ZDHHC6: variants seen among roughly 807,000 people sequenced by gnomAD.
ZDHHC6 encodes the protein palmitoyltransferase ZDHHC6.
A neutral mutation model predicts 57.8 loss-of-function variants in ZDHHC6; 32 were observed. That is an observed-to-expected ratio of 0.55 (90% CI 0.42 to 0.74). The LOEUF (loss-of-function observed/expected upper bound fraction) is 0.74, where lower values mean the gene tolerates loss of function less well. Ranked by LOEUF, ZDHHC6 falls within the 30% of genes least tolerant of loss-of-function variation. The pLI is 0.00. For missense variants in ZDHHC6, 433 were observed against 500.7 expected (o/e 0.86, Z 1.29); for synonymous variants, 128 against 158.0 (o/e 0.81, Z 1.42).
At chr10:112,445,909 A>T (rs1288911875) in intron 1 of ZDHHC6, among the ~76,000 whole-genome samples, 1 of 152,200 alleles carries the variant, frequency 6.6e-6, no homozygotes, top group African/African-American at 2.4e-5. Context: ...TTGTCAGGGG[A>T]CTGTCACCAT....
At chr10:112,427,428 T>C, downstream of ZDHHC6, 1 of 1,426,288 alleles carries the variant, frequency 7.0e-7, no homozygotes, top group Admixed American at 2.6e-5. Context: ...AAACTATTCT[T>C]ACATTTGTTT....
Position 112,440,668 on chromosome 10 carries a change from T to C in ZDHHC6, c.547A>G (p.Ile183Val), listed in dbSNP as rs376424059. 80 of 1,613,692 alleles carry C rather than the reference T, an allele frequency of 5.0e-5. No individual in the cohort carries two copies. The highest frequency in any genetic ancestry group is 1.1e-4 in the African/African-American group (8 of 74,916). ...TCTCTCCGGGCTGCACTCATGTCGA[T>C]CTTCACTGTGTTCCACCCAAAGGAG... Reference protein sequence around the residue: ...RLSFGWNTVKIDMSAARRDPL... With the variant: ...RLSFGWNTVKVDMSAARRDPL... The change falls in exon 5 of 11, where the codon ATC becomes GTC. Residue 183 changes from isoleucine to valine, a missense_variant. Transcript: ENST00000369405.
intron 8 of ZDHHC6, 132 bp from the exon 9 acceptor site, chr10:112,432,653 C>A (rs926337862): frequency 1.2e-5 from 13 of 1,095,608 alleles, no homozygotes; most frequent in Admixed American, 3.0e-5. Context: ...TCTAGGGGAA[C>A]CTCCCAGTTC....
In ZDHHC6 at chr10:112,445,481, T is replaced by C. The variant is rs148804920; in HGVS notation, c.-45A>G. The C allele has an allele frequency of 4.2e-4, 673 of 1,589,486 alleles. 2 individuals carry two copies. In the African/African-American group the frequency reaches 8.1e-3, roughly 19 times the overall value. ...TTCCTACTTTAAAAGAATTATAGAT[T>C]TCCTTTTTCTGTGCGCACATTTCCA... On this transcript the variant is annotated 5_prime_UTR_variant, in exon 2 of 11. Transcript: ENST00000369405.
chr10:112,440,668 T>A lies in ZDHHC6; in HGVS notation c.547A>T (p.Ile183Phe), dbSNP rs376424059. 6.2e-7 allele frequency: 1 copy of A among 1,613,810 alleles called. No homozygotes were observed. Among genetic ancestry groups the A allele is most frequent in the South Asian group, 1.1e-5 (1 of 91,024 alleles). ...TCTCTCCGGGCTGCACTCATGTCGA[T>A]CTTCACTGTGTTCCACCCAAAGGAG... ...RLSFGWNTVK[I>F]DMSAARRDPL... Residue 183 changes from isoleucine to phenylalanine, a missense_variant, in exon 5 of 11, where the codon ATC (isoleucine) becomes TTC (phenylalanine). Physicochemically the swap from Ile to Phe is conservative, Grantham distance 21. Transcript: ENST00000369405.
At chr10:112,429,680 A>C (rs1844869576), downstream of ZDHHC6, among the ~76,000 whole-genome samples, 1 of 152,082 alleles carries the variant, frequency 6.6e-6, no homozygotes, top group Admixed American at 6.6e-5. Flanking sequence ...GGATCCTACC[A>C]CTCACACAAG....
At chr10:112,428,394 CT>C (rs1260436940), downstream of ZDHHC6, 1 of 398,460 alleles carries the variant, frequency 2.5e-6, no homozygotes, top group African/African-American at 2.1e-5. Flanking sequence ...TGTGGTGTTT[CT>C]TTCCTCATGG....
In ZDHHC6 at chr10:112,445,622, G is replaced by A. The variant is rs1328248305; in HGVS notation, c.-186C>T. 7.3e-6 allele frequency: 5 copies of A among 687,210 alleles called. No individual in the cohort carries two copies. In the Admixed American group the frequency reaches 1.2e-4, roughly 17 times the overall value. 42.6% of individuals were successfully genotyped at this position (687,210 alleles called of 1,614,324 possible). On this transcript the variant is annotated 5_prime_UTR_variant, in exon 2 of 11. Transcript: ENST00000369405. ...CCAAAGCTCTTTATCTTAACTAGGA[G>A]AATCCAGTGTCTTGGTCTGAAACCC...
downstream of ZDHHC6, among the ~76,000 whole-genome samples, chr10:112,429,332 A>G (rs903402205): frequency 6.6e-6 from 1 of 152,216 alleles, no homozygotes; most frequent in Non-Finnish European, 1.5e-5. Context: ...ACACAGGTCC[A>G]GCCTGTTTTT....
At chr10:112,437,601 A>G (rs1845664586) in intron 6 of ZDHHC6, among the ~76,000 whole-genome samples, 1 of 152,234 alleles carries the variant, frequency 6.6e-6, no homozygotes, top group Non-Finnish European at 1.5e-5. Flanking sequence ...CAGAAGTGAG[A>G]ATCCAACCAT....
chr10:112,447,104 G>C (rs574469129), upstream of ZDHHC6: 3 of 481,900 alleles, frequency 6.2e-6, no homozygotes, highest in Admixed American at 3.2e-5. Context: ...CGCTTTTCTG[G>C]GGGGAGGCAC....
chr10:112,433,128 C>A, intron 8 of ZDHHC6, 112 bp downstream of exon 8: 1 of 796,228 alleles, frequency 1.3e-6, no homozygotes, highest in Non-Finnish European at 1.8e-6. Context: ...TTAAGGAATA[C>A]TATTTAATAA....
intron 2 of ZDHHC6, 97 bp downstream of exon 2, chr10:112,445,073 A>C: frequency 7.2e-7 from 1 of 1,384,384 alleles, no homozygotes; most frequent in Admixed American, 2.4e-5. Context: ...GTGAGGACAA[A>C]CAGTAGGCTG....
downstream of ZDHHC6, chr10:112,426,818 C>A (rs766339831): frequency 1.7e-5 from 27 of 1,613,814 alleles, 1 homozygote; most frequent in Non-Finnish European, 1.5e-5. Flanking sequence ...AGAAGACTTG[C>A]AGAAAATTGG....
At chr10:112,446,283 G>C (rs139666544) in intron 1 of ZDHHC6, among the ~76,000 whole-genome samples, 1 of 152,296 alleles carries the variant, frequency 6.6e-6, no homozygotes, top group East Asian at 1.9e-4. Context: ...GGAGGAGATA[G>C]AGCGAGAGTG....
At chr10:112,445,124 T>C (rs1564770883) in intron 2 of ZDHHC6, 46 bp downstream of exon 2, 2 of 1,573,414 alleles carry the variant, frequency 1.3e-6, no homozygotes. Flanking sequence ...AAAAACCAAA[T>C]ATACGATTAT....
downstream of ZDHHC6, chr10:112,426,301 C>T: frequency 6.2e-7 from 1 of 1,614,114 alleles, no homozygotes; most frequent in Non-Finnish European, 8.5e-7. Flanking sequence ...GATGTACTTC[C>T]CTCATTTGCA....
downstream of ZDHHC6, chr10:112,426,802 C>A (rs1844740047): frequency 6.2e-7 from 1 of 1,613,810 alleles, no homozygotes; most frequent in Admixed American, 1.7e-5. Context: ...TAAGGGAAGC[C>A]ATTTTAGAAG....
chr10:112,428,581 C>A, downstream of ZDHHC6: 1 of 388,426 alleles, frequency 2.6e-6, no homozygotes, highest in Non-Finnish European at 4.5e-6. Flanking sequence ...AACATCCTGG[C>A]TACTATGGTG....
Sources: gnomAD v4.1 joint callset for allele counts (sites outside exome capture counted in the v4.1 genomes callset) on GRCh38, gnomAD v4.1.1 for gene constraint, MANE v1.5 for transcripts, NCBI Gene and HGNC (gene_info 2026-07-23, HGNC 2026-07-21) for gene names.